HIVEP3: variants seen among roughly 807,000 people sequenced by gnomAD.
HIVEP3 encodes the protein HIVEP zinc finger 3, also known as transcription factor HIVEP3.
HIVEP3 carries 49 observed loss-of-function variants against 152.8 expected under a neutral mutation model. The ratio of observed to expected loss-of-function variants is 0.32; its 90% CI spans 0.26 to 0.41. HIVEP3 has a LOEUF of 0.41. Ranked by LOEUF, HIVEP3 falls within the 10% of genes least tolerant of loss-of-function variation. The pLI is 1.00. For missense variants in HIVEP3, 2,790 were observed against 3,103.3 expected (o/e 0.90, Z 2.40); for synonymous variants, 1,269 against 1,289.0 (o/e 0.98, Z 0.33).
intron 5 of HIVEP3, among the ~76,000 whole-genome samples, chr1:41,534,311 C>T (rs550135208): frequency 3.0e-4 from 46 of 152,240 alleles, no homozygotes; most frequent in Non-Finnish European, 5.9e-4. Flanking sequence ...TTGCCACCTC[C>T]CCAGCTCATC....
intron 1 of HIVEP3, among the ~76,000 whole-genome samples, chr1:41,893,648 G>T (rs569453761): frequency 6.6e-6 from 1 of 151,916 alleles, no homozygotes; most frequent in African/African-American, 2.4e-5. Context: ...GACTAGCCCA[G>T]GGGCCTTTGT....
chr1:42,009,359 C>A (rs1289953867), intron 1 of HIVEP3, among the ~76,000 whole-genome samples: 1 of 152,162 alleles, frequency 6.6e-6, no homozygotes, highest in Non-Finnish European at 1.5e-5. Context: ...ACATCTGGAA[C>A]TCCACCACCT....
intron 1 of HIVEP3, among the ~76,000 whole-genome samples, chr1:41,767,819 G>A (rs966449895): frequency 6.6e-6 from 1 of 152,182 alleles, no homozygotes; most frequent in African/African-American, 2.4e-5. Context: ...GCCCAAACTT[G>A]TCCATCCTTA....
In HIVEP3 at chr1:41,510,844, CTTGGGGTAG is replaced by C; in HGVS notation, c.6819_6827del (p.Asp2273_Lys2276delinsGlu). The C allele has an allele frequency of 3.1e-6, 5 of 1,613,260 alleles. No individual in the cohort carries two copies. The highest frequency in any genetic ancestry group is 4.2e-6 in the Non-Finnish European group (5 of 1,179,862). Reference sequence around the variant, plus strand: ...GGCCTCCGCCGGTCCTCTCCCTCTCCTTGGGGTAGTCCCCGCCCTCCAGCTCTGAGGAGA... The same window carrying C: ...GGCCTCCGCCGGTCCTCTCCCTCTCCTCCCCGCCCTCCAGCTCTGAGGAGA... On this transcript the variant is annotated inframe_deletion, in exon 9 of 9. Coordinates refer to ENST00000372583, the MANE Select transcript of HIVEP3 (RefSeq NM_024503.5).
intron 1 of HIVEP3, among the ~76,000 whole-genome samples, chr1:41,801,637 CG>C (rs1650308756): frequency 1.3e-5 from 2 of 151,920 alleles, no homozygotes; most frequent in South Asian, 4.1e-4. Context: ...CCCAGCTACT[CG>C]GGAGGCTGAG....
intron 2 of HIVEP3, among the ~76,000 whole-genome samples, chr1:41,672,395 T>C (rs1645891183): frequency 6.6e-6 from 1 of 152,190 alleles, no homozygotes; most frequent in Non-Finnish European, 1.5e-5. Flanking sequence ...CAGTGTTCTT[T>C]TGCTTCTCCG....
chr1:41,587,454 T>C (rs1419762869), intron 3 of HIVEP3, among the ~76,000 whole-genome samples: 6 of 152,176 alleles, frequency 3.9e-5, no homozygotes, highest in Admixed American at 3.9e-4. Context: ...ACTTGGAGAA[T>C]GAAATGGGAA....
chr1:41,610,966 G>A (rs982884270), intron 3 of HIVEP3, among the ~76,000 whole-genome samples: 10 of 152,166 alleles, frequency 6.6e-5, no homozygotes, highest in Admixed American at 3.3e-4. Context: ...TCGTGGGGCT[G>A]CATTTCCAAA....
intron 5 of HIVEP3, among the ~76,000 whole-genome samples, chr1:41,531,444 G>GGAGATGGAGGACATGA (rs1643250180): frequency 9.2e-6 from 1 of 108,516 alleles, no homozygotes; most frequent in Non-Finnish European, 1.9e-5. Flanking sequence ...GGAAGACAGG[G>GGAGATGGAGGACATGA]GAGATGGAGG....
intron 2 of HIVEP3, among the ~76,000 whole-genome samples, chr1:41,666,374 G>T (rs1468395790): frequency 6.6e-6 from 1 of 152,272 alleles, no homozygotes; most frequent in Non-Finnish European, 1.5e-5. Context: ...GGGCCTTGGA[G>T]CCACATAGAC....
At chr1:41,872,170 C>T (rs915665104) in intron 1 of HIVEP3, among the ~76,000 whole-genome samples, 5 of 152,182 alleles carry the variant, frequency 3.3e-5, no homozygotes, top group Admixed American at 3.3e-4. Flanking sequence ...ACTCGCAAAT[C>T]AGGCAGCCCC....
Position 41,510,681 on chromosome 1 carries a change from G to C in HIVEP3, c.6991C>G (p.Arg2331Gly), listed in dbSNP as rs376958785. The part of the protein sequence containing the change: ...GRRAAQSWSP[R>G]LESPRAPTNP... ...GTCGGTGCACGCGGGGACTCCAAGC[G>C]GGGGCTCCAGGACTGCGCTGCCCGG... The change falls in exon 9 of 9, where the codon CGC (arginine) becomes GGC (glycine). Residue 2331 changes from arginine to glycine, a missense_variant. Arg to Gly is a moderately radical substitution (Grantham distance 125). Coordinates refer to ENST00000372583, the MANE Select transcript of HIVEP3 (RefSeq NM_024503.5). The C allele has an allele frequency of 6.6e-7, 1 of 1,521,482 alleles. No homozygotes were observed. The highest frequency in any genetic ancestry group is 1.2e-5 in the South Asian group (1 of 80,906). The allele number at this position is 1,521,482 out of a possible 1,614,324, so 94.2% of individuals were successfully genotyped here.
chr1:41,985,034 T>C (rs1557549831), intron 1 of HIVEP3, among the ~76,000 whole-genome samples: 1 of 151,032 alleles, frequency 6.6e-6, no homozygotes, highest in Non-Finnish European at 1.5e-5. Context: ...TCCCAGGGGA[T>C]GACTGATTGA....
intron 1 of HIVEP3, among the ~76,000 whole-genome samples, chr1:41,835,225 T>A (rs1440765057): frequency 6.6e-6 from 1 of 152,222 alleles, no homozygotes. Context: ...TACCACAGAC[T>A]AGGTGGCTTA....
intron 3 of HIVEP3, among the ~76,000 whole-genome samples, chr1:41,604,502 T>G (rs1644790268): frequency 6.6e-6 from 1 of 152,176 alleles, no homozygotes; most frequent in East Asian, 1.9e-4. Context: ...TAAGAGGTGA[T>G]TAGGCTGTGA....
intron 1 of HIVEP3, among the ~76,000 whole-genome samples, chr1:41,996,585 C>A (rs1645397347): frequency 6.6e-6 from 1 of 152,062 alleles, no homozygotes; most frequent in Non-Finnish European, 1.5e-5. Context: ...AGCTGGATTC[C>A]AAGAGGTAGC....
intron 2 of HIVEP3, among the ~76,000 whole-genome samples, chr1:41,679,718 C>A (rs1232790146): frequency 6.6e-6 from 1 of 152,196 alleles, no homozygotes; most frequent in Non-Finnish European, 1.5e-5. Flanking sequence ...CTCAGCCCTG[C>A]CCATCACTGA....
chr1:41,645,628 C>T (rs897493807), intron 2 of HIVEP3, among the ~76,000 whole-genome samples: 1 of 152,224 alleles, frequency 6.6e-6, no homozygotes, highest in African/African-American at 2.4e-5. Context: ...ATTCTGCCTT[C>T]ACAGAATATA....
At chr1:41,732,994 C>T (rs763403083) in intron 1 of HIVEP3, among the ~76,000 whole-genome samples, 4 of 152,172 alleles carry the variant, frequency 2.6e-5, no homozygotes, top group Non-Finnish European at 4.4e-5. Context: ...GTACTCAATA[C>T]ATGTGCATGG....
Sources: allele counts gnomAD v4.1 joint callset (sites outside exome capture counted in the v4.1 genomes callset), GRCh38; gene constraint gnomAD v4.1.1; transcripts MANE v1.5; gene names NCBI Gene and HGNC (gene_info 2026-07-23, HGNC 2026-07-21).